Variants in CTNNA3 observed in about 807,000 individuals in gnomAD.
CTNNA3 encodes the protein catenin alpha-3.
Under a neutral mutation model 95.7 loss-of-function variants are expected in CTNNA3, and 76 were observed. That is an observed-to-expected ratio of 0.79 (90% CI 0.66 to 0.96). The LOEUF (loss-of-function observed/expected upper bound fraction) is 0.96. CTNNA3 is among the 40% of genes least tolerant of loss of function. The probability of loss-of-function intolerance (pLI) is 0.00; values close to 1 mark genes in which losing one functional copy is unlikely to be tolerated. For missense variants in CTNNA3, 1,191 were observed against 1,089.8 expected, an observed-to-expected ratio of 1.09 and a Z score of -1.31; for synonymous variants, 431 against 374.4, an observed-to-expected ratio of 1.15 and a Z score of -1.74.
chr10:67,461,875 T>C (rs1020148000), intron 5 of CTNNA3, among the ~76,000 whole-genome samples: 3 of 152,206 alleles, frequency 2.0e-5, no homozygotes, highest in East Asian at 1.9e-4. Flanking sequence ...GAAGCTCTGA[T>C]TAACCTTTCA....
chr10:66,187,475 G>T (rs2086405300), intron 13 of CTNNA3, among the ~76,000 whole-genome samples: 1 of 150,852 alleles, frequency 6.6e-6, no homozygotes, highest in African/African-American at 2.4e-5. Context: ...GCCCTATGCT[G>T]TCATGCTGTC....
intron 5 of CTNNA3, among the ~76,000 whole-genome samples, chr10:67,317,166 G>C: frequency 1.5e-5 from 1 of 67,878 alleles, no homozygotes. Flanking sequence ...GTTTTGTTTT[G>C]TTTTGTTTTT....
intron 7 of CTNNA3, among the ~76,000 whole-genome samples, chr10:66,989,547 G>A (rs1278611041): frequency 6.6e-6 from 1 of 152,124 alleles, no homozygotes; most frequent in Admixed American, 6.5e-5. Flanking sequence ...CCTGATACAT[G>A]TATGAACTCA....
chr10:66,099,140 C>A (rs1182386131), intron 14 of CTNNA3, among the ~76,000 whole-genome samples: 1 of 152,118 alleles, frequency 6.6e-6, no homozygotes, highest in Non-Finnish European at 1.5e-5. Flanking sequence ...GATCCAAGAA[C>A]TAAAAAGGCA....
chr10:67,054,194 T>TA lies in CTNNA3; in HGVS notation c.1047+126122dup, dbSNP rs11334144. ...AGATCAGTCAGTGCCTCCTGGTTAT[T>TA]AAAAAAAAAACTTTATAAATAAAAA... On this transcript the variant is annotated intron_variant, in intron 7 of 17. Transcript: ENST00000433211. Among the ~76,000 whole-genome samples the TA allele has an allele frequency of 1.4e-3, 207 of 150,928 alleles. 1 individual carries two copies. The highest frequency in any genetic ancestry group is 4.2e-3 in the African/African-American group (173 of 41,154).
intron 11 of CTNNA3, among the ~76,000 whole-genome samples, chr10:66,430,909 T>C (rs78520175): frequency 0.26 from 40,171 of 151,932 alleles, 5,444 homozygotes; most frequent in South Asian, 0.39. Flanking sequence ...AAATGGCATC[T>C]AATTAAACTA....
intron 13 of CTNNA3, among the ~76,000 whole-genome samples, chr10:66,135,061 T>C (rs6480141): frequency 0.83 from 126,061 of 152,034 alleles, 52,447 homozygotes; most frequent in South Asian, 0.92. Context: ...GAAGAGATAC[T>C]GAACTGGAAT....
intron 5 of CTNNA3, among the ~76,000 whole-genome samples, chr10:67,464,957 A>G (rs555155957): frequency 6.6e-6 from 1 of 152,006 alleles, no homozygotes; most frequent in East Asian, 2.0e-4. Context: ...GAGAAATAGT[A>G]ACAAATACCT....
At chr10:66,394,516 G>T (rs2092959212) in intron 11 of CTNNA3, among the ~76,000 whole-genome samples, 1 of 132,470 alleles carries the variant, frequency 7.5e-6, no homozygotes, top group South Asian at 2.3e-4. Context: ...CACAGACTGA[G>T]AACCTATTAA....
chr10:66,817,179 A>G (rs1166408442), intron 7 of CTNNA3, among the ~76,000 whole-genome samples: 2 of 152,036 alleles, frequency 1.3e-5, no homozygotes, highest in Admixed American at 6.6e-5. Context: ...GAACTTATTC[A>G]TGTAACCAAA....
chr10:66,006,703 A>G (rs1252514477), intron 15 of CTNNA3, among the ~76,000 whole-genome samples: 4 of 152,074 alleles, frequency 2.6e-5, no homozygotes, highest in Non-Finnish European at 4.4e-5. Context: ...CTCCTTTCAT[A>G]TCAGACCAAC....
At chr10:66,906,175 AC>A (rs1336203680) in intron 7 of CTNNA3, among the ~76,000 whole-genome samples, 1 of 152,188 alleles carries the variant, frequency 6.6e-6, no homozygotes, top group African/African-American at 2.4e-5. Context: ...AATCAGGCCA[AC>A]CACACTTAAA....
chr10:66,277,320 T>G (rs2091418524), intron 13 of CTNNA3, among the ~76,000 whole-genome samples: 1 of 152,146 alleles, frequency 6.6e-6, no homozygotes, highest in Non-Finnish European at 1.5e-5. Context: ...TAAAATGGGA[T>G]TCTGATACAC....
In CTNNA3 at chr10:66,326,974, A is replaced by G. The variant is rs1442588848; in HGVS notation, c.1733-46353T>C. Among the ~76,000 whole-genome samples, 3 of 152,118 alleles carry G rather than the reference A, an allele frequency of 2.0e-5. 1 individual carries two copies. Among genetic ancestry groups the G allele is most frequent in the Non-Finnish European group, 4.4e-5 (3 of 67,974 alleles). The stretch of plus-strand genomic sequence containing the variant: ...TTACTTACATGTGCAAATACATAGA[A>G]AAGTTTAGTCAAACAGTTAGGCAGC... On this transcript the variant is annotated intron_variant, in intron 12 of 17. Coordinates refer to ENST00000433211, the MANE Select transcript of CTNNA3 (RefSeq NM_013266.4).
intron 7 of CTNNA3, among the ~76,000 whole-genome samples, chr10:67,005,098 AT>A (rs1376967405): frequency 2.0e-5 from 3 of 151,990 alleles, no homozygotes; most frequent in African/African-American, 7.2e-5. Context: ...CCTATGGATT[AT>A]TTTTTTTCCA....
chr10:66,564,039 C>T (rs1369201065), intron 10 of CTNNA3, among the ~76,000 whole-genome samples: 5 of 152,052 alleles, frequency 3.3e-5, no homozygotes, highest in African/African-American at 1.2e-4. Context: ...TTGTCAGGAC[C>T]TCCTGAGGCT....
intron 9 of CTNNA3, among the ~76,000 whole-genome samples, chr10:66,760,834 C>T (rs927672628): frequency 2.0e-5 from 3 of 152,082 alleles, no homozygotes; most frequent in Non-Finnish European, 4.4e-5. Flanking sequence ...TGGGCAGTCA[C>T]ACCGGTGTGC....
rs184399897 is a variant in CTNNA3 at position 66,195,014 on chromosome 10, G to T, written c.1884+85456C>A. On this transcript the variant is annotated intron_variant, in intron 13 of 17. Transcript: ENST00000433211. ...GGATGCCTCACTTCATGCTGTATCT[G>T]CATGCATACTTTCAAAATGACATTA... is the stretch of plus-strand genomic sequence containing the variant. 8.5e-5 allele frequency among the ~76,000 whole-genome samples: 13 copies of T among 152,212 alleles called. No individual in the cohort carries two copies. The East Asian group carries it at 2.1e-3, about 25-fold the overall frequency.
At chr10:66,333,477 T>C (rs2092356219) in intron 12 of CTNNA3, among the ~76,000 whole-genome samples, 1 of 152,166 alleles carries the variant, frequency 6.6e-6, no homozygotes, top group Admixed American at 6.5e-5. Flanking sequence ...TGCCTTCATT[T>C]CGTTATGTAC....
Sources: allele counts gnomAD v4.1 joint callset (sites outside exome capture counted in the v4.1 genomes callset), GRCh38; gene constraint gnomAD v4.1.1; transcripts MANE v1.5; gene names NCBI Gene and HGNC (gene_info 2026-07-23, HGNC 2026-07-21).